FERMT1: variants seen among roughly 807,000 people sequenced by gnomAD.
FERMT1 encodes FERM domain containing kindlin 1, also known as fermitin family homolog 1.
Under a neutral mutation model 85.3 loss-of-function variants are expected in FERMT1, and 60 were observed. The ratio of observed to expected loss-of-function variants is 0.70; its 90% confidence interval spans 0.57 to 0.87. The LOEUF is 0.87. FERMT1 is among the 40% of genes least tolerant of loss of function. The pLI is 0.00. For missense variants in FERMT1, 701 were observed against 818.9 expected, an observed-to-expected ratio of 0.86 and a Z score of 1.76; for synonymous variants, 275 against 301.1, an observed-to-expected ratio of 0.91 and a Z score of 0.90.
intron 6 of FERMT1, 126 bp downstream of exon 6, chr20:6,107,406 C>A: frequency 1.7e-6 from 1 of 579,850 alleles, no homozygotes. Context: ...TCAGTCTCAC[C>A]CTGCAGGGCT....
chr20:6,095,151 C>T (rs971896967), intron 8 of FERMT1, among the ~76,000 whole-genome samples, 163 bp from the exon 9 acceptor site: 4 of 152,136 alleles, frequency 2.6e-5, no homozygotes, highest in African/African-American at 4.8e-5. Flanking sequence ...AGTTTACACT[C>T]GCTACATTTC....
chr20:6,090,412 T>C (rs1982324029), intron 9 of FERMT1, among the ~76,000 whole-genome samples: 1 of 151,962 alleles, frequency 6.6e-6, no homozygotes, highest in African/African-American at 2.4e-5. Context: ...AGTCTTTCCT[T>C]AGCTAAACAT....
At chr20:6,096,649 C>T (rs1223418867) in intron 8 of FERMT1, among the ~76,000 whole-genome samples, 2 of 152,104 alleles carry the variant, frequency 1.3e-5, no homozygotes, top group African/African-American at 2.4e-5. Flanking sequence ...TCCTTCACAC[C>T]ATGCCAACTT....
At chr20:6,117,515 C>T (rs1266701511) in intron 2 of FERMT1, among the ~76,000 whole-genome samples, 1 of 151,888 alleles carries the variant, frequency 6.6e-6, no homozygotes, top group Non-Finnish European at 1.5e-5. Flanking sequence ...CTCACTGCAA[C>T]CTCTGCCTCC....
intron 12 of FERMT1, 31 bp downstream of exon 12, chr20:6,085,035 C>A: frequency 6.3e-7 from 1 of 1,577,628 alleles, no homozygotes; most frequent in Non-Finnish European, 8.7e-7. Context: ...GAATTTACTG[C>A]AAACAATTGC....
chr20:6,103,204 G>A (rs1982707148), intron 6 of FERMT1, among the ~76,000 whole-genome samples: 1 of 151,952 alleles, frequency 6.6e-6, no homozygotes, highest in Non-Finnish European at 1.5e-5. Flanking sequence ...TTTCTCTATG[G>A]GCTGTTTTGC....
intron 13 of FERMT1, among the ~76,000 whole-genome samples, 194 bp from the exon 14 acceptor site, chr20:6,079,771 C>T (rs1981942345): frequency 6.6e-6 from 1 of 152,070 alleles, no homozygotes; most frequent in African/African-American, 2.4e-5. Context: ...TGAAGGCTAT[C>T]CTGCAGATGG....
intron 1 of FERMT1, among the ~76,000 whole-genome samples, chr20:6,122,240 A>C (rs1568668173): frequency 6.6e-6 from 1 of 152,156 alleles, no homozygotes; most frequent in Non-Finnish European, 1.5e-5. Flanking sequence ...TTTTGAGTGA[A>C]CGTCTAGTCT....
At chr20:6,119,618 C>A (rs919849648) in intron 1 of FERMT1, 46 bp from the exon 2 acceptor site, 3 of 1,543,038 alleles carry the variant, frequency 1.9e-6, no homozygotes, top group Non-Finnish European at 2.7e-6. Flanking sequence ...GGGAAGGAAA[C>A]GGGACTTGTC....
intron 4 of FERMT1, among the ~76,000 whole-genome samples, chr20:6,111,390 G>T (rs1982944778): frequency 6.6e-6 from 1 of 152,004 alleles, no homozygotes; most frequent in Non-Finnish European, 1.5e-5. Context: ...CCAGCATTTT[G>T]GGTGGCTGAG....
chr20:6,111,174 C>G lies in FERMT1; in HGVS notation c.533-663G>C, dbSNP rs540336260. Among the ~76,000 whole-genome samples the G allele has an allele frequency of 5.9e-5, 9 of 152,326 alleles. No individual in the cohort carries two copies. In the South Asian group the frequency reaches 1.9e-3, roughly 32 times the overall value. On this transcript the variant is annotated intron_variant, in intron 4 of 14. Transcript: ENST00000217289. ...TAGGAGTCTTGGCACTATTAGAGAACTGGAGACCTCATAGAATGCATGTAC... is the reference window on the plus strand; with the variant it reads ...TAGGAGTCTTGGCACTATTAGAGAAGTGGAGACCTCATAGAATGCATGTAC...
Position 6,079,748 on chromosome 20 carries a change from C to T in FERMT1, c.1719-171G>A, listed in dbSNP as rs2232081. 0.15 allele frequency among the ~76,000 whole-genome samples: 23,508 copies of T among 151,954 alleles called. 2,147 individuals carry two copies. The highest frequency in any genetic ancestry group is 0.25 in the African/African-American group (10,388 of 41,404). On this transcript the variant is annotated intron_variant, in intron 13 of 14. Transcript: ENST00000217289. ...GGCATTTTTATTGGGATATAGACAG[C>T]GTGAAAAAAGAATGAAGGCTATCCT...
intron 13 of FERMT1, among the ~76,000 whole-genome samples, chr20:6,083,213 C>A (rs1302124303): frequency 6.6e-6 from 1 of 152,102 alleles, no homozygotes; most frequent in East Asian, 1.9e-4. Flanking sequence ...TTTTGGGAAA[C>A]CATCCATTGT....
chr20:6,088,855 C>T, intron 10 of FERMT1, 110 bp downstream of exon 10: 2 of 1,056,858 alleles, frequency 1.9e-6, no homozygotes, highest in Non-Finnish European at 2.9e-6. Context: ...AACTCCTGAC[C>T]TCAGGTGATC....
intron 14 of FERMT1, among the ~76,000 whole-genome samples, chr20:6,079,105 A>C (rs1306684436): frequency 6.6e-6 from 1 of 152,190 alleles, no homozygotes; most frequent in Non-Finnish European, 1.5e-5. Context: ...GTAGTTTCTC[A>C]TAAGTAAGTA....
At chr20:6,082,079 A>G (rs1982012353) in intron 13 of FERMT1, among the ~76,000 whole-genome samples, 1 of 152,160 alleles carries the variant, frequency 6.6e-6, no homozygotes, top group South Asian at 2.1e-4. Flanking sequence ...TGGCTGCTCC[A>G]GGCTTTGACT....
At chr20:6,094,496 T>C (rs1482061414) in intron 9 of FERMT1, among the ~76,000 whole-genome samples, 1 of 152,194 alleles carries the variant, frequency 6.6e-6, no homozygotes, top group Non-Finnish European at 1.5e-5. Flanking sequence ...AGCCTTCAAA[T>C]GGTATCAGCG....
intron 6 of FERMT1, among the ~76,000 whole-genome samples, chr20:6,102,815 C>T (rs1015727047): frequency 2.6e-5 from 4 of 152,098 alleles, no homozygotes; most frequent in African/African-American, 9.7e-5. Flanking sequence ...AAACCCTCCA[C>T]CCTCGTCCAT....
chr20:6,092,830 C>A (rs1982404199), intron 9 of FERMT1, among the ~76,000 whole-genome samples: 2 of 152,172 alleles, frequency 1.3e-5, no homozygotes, highest in African/African-American at 4.8e-5. Flanking sequence ...ACCATGACAA[C>A]CTGTCTCTAT....
Sources: gnomAD v4.1 joint callset for allele counts (sites outside exome capture counted in the v4.1 genomes callset) on GRCh38, gnomAD v4.1.1 for gene constraint, MANE v1.5 for transcripts, NCBI Gene and HGNC (gene_info 2026-07-23, HGNC 2026-07-21) for gene names.